Variants in PRKG1 observed in about 807,000 individuals in gnomAD.
PRKG1 encodes the protein protein kinase cGMP-dependent 1, also known as cGMP-dependent protein kinase 1.
In PRKG1, 35 loss-of-function variants were observed where a neutral mutation model predicts 88.1. The ratio of observed to expected loss-of-function variants is 0.40; its 90% CI spans 0.30 to 0.53. The LOEUF is 0.53. Ranked by LOEUF, PRKG1 falls within the 20% of genes least tolerant of loss-of-function variation. PRKG1 has a pLI of 0.59. For synonymous variants in PRKG1, 303 were observed against 292.5 expected, an observed-to-expected ratio of 1.04 and a Z score of -0.37; for missense variants, 540 against 839.8, an observed-to-expected ratio of 0.64 and a Z score of 4.41.
At chr10:51,095,671 C>T (rs896788565) in intron 1 of PRKG1, among the ~76,000 whole-genome samples, 1 of 152,108 alleles carries the variant, frequency 6.6e-6, no homozygotes, top group Non-Finnish European at 1.5e-5. Context: ...CAAGTATTGG[C>T]GCAGTGTGAT....
intron 7 of PRKG1, among the ~76,000 whole-genome samples, chr10:52,101,082 G>T (rs1847282841): frequency 6.6e-6 from 1 of 152,036 alleles, no homozygotes; most frequent in Admixed American, 6.6e-5. Flanking sequence ...TGATGAATCT[G>T]TCTCCTTAGC....
intron 2 of PRKG1, among the ~76,000 whole-genome samples, chr10:51,330,168 T>G (rs74754743): frequency 6.3e-5 from 9 of 142,968 alleles, no homozygotes; most frequent in Non-Finnish European, 1.4e-4. Flanking sequence ...TTTTTTTTTT[T>G]GAGATGGAGT....
chr10:52,133,939 CTCATA>C, intron 8 of PRKG1, 34 bp downstream of exon 8: 1 of 1,525,594 alleles, frequency 6.6e-7, no homozygotes, highest in Middle Eastern at 1.7e-4. Flanking sequence ...GAATTACACA[CTCATA>C]TCAGCAACAC....
intron 1 of PRKG1, among the ~76,000 whole-genome samples, chr10:51,051,996 G>A (rs1398155239): frequency 1.3e-5 from 2 of 151,834 alleles, no homozygotes; most frequent in Non-Finnish European, 2.9e-5. Context: ...TACTATTATT[G>A]GTAACAGAAA....
intron 5 of PRKG1, among the ~76,000 whole-genome samples, chr10:52,010,562 T>C (rs946140137): frequency 1.5e-4 from 23 of 152,122 alleles, no homozygotes; most frequent in African/African-American, 5.6e-4. Context: ...TTCAGTGTCA[T>C]GTAATACACC....
intron 2 of PRKG1, among the ~76,000 whole-genome samples, chr10:51,184,889 G>A (rs1047865779): frequency 3.9e-5 from 6 of 152,100 alleles, no homozygotes; most frequent in Non-Finnish European, 7.4e-5. Flanking sequence ...TGGAGCTCTG[G>A]CACTTATATC....
At chr10:52,252,098 T>C (rs903825659) in intron 10 of PRKG1, 1 of 155,542 alleles carries the variant, frequency 6.4e-6, no homozygotes, top group African/African-American at 2.4e-5. Context: ...ATATATGAAG[T>C]AAATGGTGTT....
chr10:52,074,561 T>C (rs1361625482), intron 7 of PRKG1, among the ~76,000 whole-genome samples: 3 of 152,166 alleles, frequency 2.0e-5, no homozygotes, highest in Admixed American at 6.6e-5. Context: ...AAAATGGACA[T>C]AAAAATGTTT....
intron 4 of PRKG1, among the ~76,000 whole-genome samples, chr10:51,896,375 A>G (rs1841845742): frequency 6.6e-6 from 1 of 152,036 alleles, no homozygotes; most frequent in Non-Finnish European, 1.5e-5. Context: ...TGTGTTTGCC[A>G]CAACTCTATG....
intron 1 of PRKG1, among the ~76,000 whole-genome samples, chr10:51,007,164 C>A (rs1006189978): frequency 6.6e-6 from 1 of 151,972 alleles, no homozygotes; most frequent in African/African-American, 2.4e-5. Context: ...CCAGGCTGGT[C>A]TTGAACTCCT....
intron 3 of PRKG1, among the ~76,000 whole-genome samples, chr10:51,703,049 G>A (rs747820183): frequency 1.8e-4 from 27 of 152,108 alleles, no homozygotes; most frequent in Non-Finnish European, 3.8e-4. Context: ...TCATTTATAA[G>A]TCATACTAGA....
rs768826890 is a variant in PRKG1, at chr10:52,251,578, C to T, written c.1085C>T (p.Ala362Val). 8 of 1,613,282 alleles carry T rather than the reference C, an allele frequency of 5.0e-6. No individual in the cohort carries two copies. Among genetic ancestry groups the T allele is most frequent in the Non-Finnish European group, 6.8e-6 (8 of 1,179,542 alleles). Residue 362 changes from alanine to valine, a missense_variant, in exon 10 of 18, where the codon GCT becomes GTT. By Grantham distance (64) the Ala-to-Val change is moderately conservative. Coordinates refer to ENST00000373980, the MANE Select transcript of PRKG1 (RefSeq NM_006258.4). ...CACATCAAAAAATCCAGATATGAAG[C>T]TGAAGCGGCTTTCTTCGCCAACCTG... ...EDAEAKAKYE[A>V]EAAFFANLKL... is the part of the protein sequence containing the mutation.
intron 8 of PRKG1, among the ~76,000 whole-genome samples, chr10:52,155,109 A>C (rs1021241836): frequency 3.3e-5 from 5 of 152,138 alleles, no homozygotes; most frequent in Admixed American, 2.0e-4. Context: ...ATGCATGTGC[A>C]AGTGTCTTTT....
chr10:51,656,199 T>C (rs945818176), intron 3 of PRKG1, among the ~76,000 whole-genome samples: 3 of 152,224 alleles, frequency 2.0e-5, no homozygotes, highest in Non-Finnish European at 4.4e-5. Flanking sequence ...TGTAACTAAA[T>C]GTTCTTGTTA....
chr10:51,783,677 CCTA>C (rs1420502698), intron 3 of PRKG1, among the ~76,000 whole-genome samples: 2 of 152,084 alleles, frequency 1.3e-5, no homozygotes, highest in Non-Finnish European at 2.9e-5. Context: ...CCAGCCAAGA[CCTA>C]CTAGGGGGCT....
intron 1 of PRKG1, among the ~76,000 whole-genome samples, chr10:51,002,750 A>G (rs1174341435): frequency 6.6e-6 from 1 of 152,202 alleles, no homozygotes; most frequent in African/African-American, 2.4e-5. Flanking sequence ...CTGAGGAGAA[A>G]TGTACTTATT....
chr10:52,047,187 T>C (rs1331633148), intron 5 of PRKG1, among the ~76,000 whole-genome samples: 1 of 152,102 alleles, frequency 6.6e-6, no homozygotes, highest in Non-Finnish European at 1.5e-5. Flanking sequence ...TTGTGGATGA[T>C]GATATGAGGA....
intron 2 of PRKG1, among the ~76,000 whole-genome samples, chr10:51,225,958 C>G (rs1018889516): frequency 2.0e-5 from 3 of 152,140 alleles, no homozygotes; most frequent in Admixed American, 6.6e-5. Context: ...AATCCTAGCA[C>G]TTTGGGAGGC....
chr10:52,130,924 G>A (rs1004410821), intron 7 of PRKG1, among the ~76,000 whole-genome samples: 1 of 152,094 alleles, frequency 6.6e-6, no homozygotes, highest in African/African-American at 2.4e-5. Flanking sequence ...AAAAGAATTA[G>A]AAATAATAAA....
Sources: gnomAD v4.1 joint callset for allele counts (sites outside exome capture counted in the v4.1 genomes callset) on GRCh38, gnomAD v4.1.1 for gene constraint, MANE v1.5 for transcripts, NCBI Gene and HGNC (gene_info 2026-07-23, HGNC 2026-07-21) for gene names.